Variants in MACROD2 observed in about 807,000 individuals in gnomAD.
The protein encoded by MACROD2 is ADP-ribose glycohydrolase MACROD2.
A neutral mutation model predicts 70.4 loss-of-function variants in MACROD2; 36 were observed. The ratio of observed to expected loss-of-function variants is 0.51; its 90% CI spans 0.39 to 0.68. MACROD2 has a LOEUF of 0.68. Ranked by LOEUF, MACROD2 falls within the 30% of genes least tolerant of loss-of-function variation. MACROD2 has a pLI of 0.00. For missense variants in MACROD2, 496 were observed against 538.4 expected, an observed-to-expected ratio of 0.92 and a Z score of 0.78; for synonymous variants, 172 against 178.8, an observed-to-expected ratio of 0.96 and a Z score of 0.30.
intron 3 of MACROD2, among the ~76,000 whole-genome samples, chr20:14,376,797 A>G (rs970468730): frequency 1.5e-5 from 2 of 132,120 alleles, no homozygotes; most frequent in Non-Finnish European, 3.3e-5. Context: ...TAATAATAAT[A>G]ATGTACCCTT....
At chr20:15,871,631 G>T (rs2064585526) in intron 9 of MACROD2, among the ~76,000 whole-genome samples, 1 of 152,154 alleles carries the variant, frequency 6.6e-6, no homozygotes, top group Admixed American at 6.5e-5. Flanking sequence ...GATTGATTGG[G>T]ACAGTTTTCA....
chr20:15,577,611 C>CCGTG (rs1321246518), intron 8 of MACROD2, among the ~76,000 whole-genome samples: 5 of 151,632 alleles, frequency 3.3e-5, no homozygotes, highest in African/African-American at 1.2e-4. Flanking sequence ...TCTTTCTTCT[C>CCGTG]CGTGCGTGCG....
At chr20:15,147,055 A>T (rs2076235226) in intron 5 of MACROD2, among the ~76,000 whole-genome samples, 1 of 152,130 alleles carries the variant, frequency 6.6e-6, no homozygotes, top group Non-Finnish European at 1.5e-5. Context: ...TATGTAAATA[A>T]ATCGTAACTT....
intron 3 of MACROD2, among the ~76,000 whole-genome samples, chr20:14,318,330 C>G (rs956298173): frequency 6.6e-6 from 1 of 152,198 alleles, no homozygotes; most frequent in Non-Finnish European, 1.5e-5. Flanking sequence ...CTTCCACACC[C>G]CCGTGGCTGC....
At chr20:15,228,663 T>C (rs2076933156) in intron 5 of MACROD2, among the ~76,000 whole-genome samples, 2 of 151,876 alleles carry the variant, frequency 1.3e-5, no homozygotes, top group Non-Finnish European at 2.9e-5. Flanking sequence ...CTAATTTTTG[T>C]ATTTTTAGTA....
intron 5 of MACROD2, among the ~76,000 whole-genome samples, chr20:14,786,840 T>C (rs2072380544): frequency 1.3e-5 from 2 of 152,058 alleles, no homozygotes. Flanking sequence ...TTCCTGTTTC[T>C]GCTCTCTCTG....
At chr20:16,034,791 T>C (rs1452353368) in intron 15 of MACROD2, among the ~76,000 whole-genome samples, 1 of 151,640 alleles carries the variant, frequency 6.6e-6, no homozygotes, top group Non-Finnish European at 1.5e-5. Flanking sequence ...CCATATATGT[T>C]GTCCTTTATC....
intron 4 of MACROD2, among the ~76,000 whole-genome samples, chr20:14,608,170 C>T (rs1233278368): frequency 6.6e-6 from 1 of 152,070 alleles, no homozygotes; most frequent in Non-Finnish European, 1.5e-5. Flanking sequence ...GCAGGAGAAT[C>T]ACTTGAACCT....
At chr20:15,802,835 G>A (rs532199206) in intron 8 of MACROD2, among the ~76,000 whole-genome samples, 6 of 151,678 alleles carry the variant, frequency 4.0e-5, no homozygotes, top group Admixed American at 6.6e-5. Context: ...AAAATGAGAC[G>A]TTACAACTGA....
At chr20:15,884,065 C>T (rs1013551235) in intron 9 of MACROD2, among the ~76,000 whole-genome samples, 1 of 152,078 alleles carries the variant, frequency 6.6e-6, no homozygotes, top group African/African-American at 2.4e-5. Flanking sequence ...TCCCACTATA[C>T]AGCTGATGAA....
intron 4 of MACROD2, among the ~76,000 whole-genome samples, chr20:14,622,123 T>C (rs1983864891): frequency 6.6e-6 from 1 of 152,158 alleles, no homozygotes; most frequent in Admixed American, 6.6e-5. Context: ...TCATTTTTAA[T>C]GTATTCCTGA....
intron 12 of MACROD2, among the ~76,000 whole-genome samples, chr20:15,944,563 G>A (rs1229359432): frequency 6.6e-6 from 1 of 151,950 alleles, no homozygotes; most frequent in African/African-American, 2.4e-5. Context: ...TTCTTATCCA[G>A]TCTCAATTTT....
chr20:14,159,341 TATTA>T (rs2055150720), intron 3 of MACROD2, among the ~76,000 whole-genome samples: 1 of 152,260 alleles, frequency 6.6e-6, no homozygotes, highest in Non-Finnish European at 1.5e-5. Flanking sequence ...ATTTTAACAA[TATTA>T]ATTCTTCCCA....
intron 5 of MACROD2, among the ~76,000 whole-genome samples, chr20:15,029,513 G>A (rs1402314203): frequency 6.6e-6 from 1 of 152,142 alleles, no homozygotes; most frequent in Non-Finnish European, 1.5e-5. Context: ...TTTCCGATGA[G>A]GCTGATACTG....
At chr20:15,879,493 CTG>C (rs1289188174) in intron 9 of MACROD2, among the ~76,000 whole-genome samples, 3 of 152,100 alleles carry the variant, frequency 2.0e-5, no homozygotes, top group Non-Finnish European at 2.9e-5. Flanking sequence ...CAAAAGGACT[CTG>C]TGCTTGATTT....
At chr20:15,333,615 G>A (rs767093364) in intron 6 of MACROD2, among the ~76,000 whole-genome samples, 1 of 151,518 alleles carries the variant, frequency 6.6e-6, no homozygotes, top group Non-Finnish European at 1.5e-5. Flanking sequence ...AGATGATGCA[G>A]GGCTTTGGTC....
chr20:15,472,667 C>G (rs1272759455), intron 7 of MACROD2, among the ~76,000 whole-genome samples: 1 of 152,078 alleles, frequency 6.6e-6, no homozygotes, highest in Non-Finnish European at 1.5e-5. Context: ...TATTTCCCAC[C>G]TTTTCCCCTC....
At chr20:15,966,657 G>T (rs1357423300) in intron 12 of MACROD2, among the ~76,000 whole-genome samples, 1 of 152,184 alleles carries the variant, frequency 6.6e-6, no homozygotes, top group African/African-American at 2.4e-5. Context: ...CAGGAGGATC[G>T]CTTGAGCCCA....
chr20:14,437,400 C>T (rs1042162494), intron 3 of MACROD2, among the ~76,000 whole-genome samples: 2 of 152,090 alleles, frequency 1.3e-5, no homozygotes, highest in African/African-American at 2.4e-5. Context: ...TGAGACCAGC[C>T]TGGCCAACAT....
Sources: allele counts gnomAD v4.1 joint callset (sites outside exome capture counted in the v4.1 genomes callset), GRCh38; gene constraint gnomAD v4.1.1; transcripts MANE v1.5; gene names NCBI Gene and HGNC (gene_info 2026-07-23, HGNC 2026-07-21).